Variants in STMN4 observed in about 807,000 individuals in gnomAD.
STMN4 encodes the protein stathmin 4, also known as stathmin-4.
A neutral mutation model predicts 29.1 loss-of-function variants in STMN4; 12 were observed. The observed-to-expected ratio is 0.41, with a 90% CI of 0.26 to 0.67. The LOEUF (loss-of-function observed/expected upper bound fraction) is 0.67. Ranked by LOEUF, STMN4 falls within the 30% of genes least tolerant of loss-of-function variation. The pLI is 0.30. For synonymous variants in STMN4, 114 were observed against 105.3 expected, an observed-to-expected ratio of 1.08 and a Z score of -0.51; for missense variants, 181 against 262.8, an observed-to-expected ratio of 0.69 and a Z score of 2.15.
intron 2 of STMN4, 115 bp from the exon 3 acceptor site, chr8:27,242,607 G>A (rs375406644): frequency 4.3e-6 from 4 of 923,174 alleles, no homozygotes; most frequent in Non-Finnish European, 6.8e-6. Flanking sequence ...CTCAAACCAC[G>A]CAGGCACACG....
At chr8:27,249,869 C>A (rs1466516806) in intron 1 of STMN4, among the ~76,000 whole-genome samples, 1 of 152,194 alleles carries the variant, frequency 6.6e-6, no homozygotes, top group East Asian at 1.9e-4. Flanking sequence ...TTTTATTGGT[C>A]ACTGTAAGAA....
At chr8:27,249,099 C>T (rs960541551) in intron 1 of STMN4, among the ~76,000 whole-genome samples, 1 of 152,136 alleles carries the variant, frequency 6.6e-6, no homozygotes, top group Non-Finnish European at 1.5e-5. Context: ...GATAACCCCC[C>T]CCAAGCACAG....
chr8:27,242,323 C>A, intron 3 of STMN4, 74 bp downstream of exon 3: 2 of 1,397,468 alleles, frequency 1.4e-6, no homozygotes, highest in South Asian at 1.2e-5. Flanking sequence ...GGACTGGGGT[C>A]GGGGTGCAGG....
chr8:27,243,879 G>A, intron 1 of STMN4, 78 bp from the exon 2 acceptor site: 2 of 1,323,130 alleles, frequency 1.5e-6, no homozygotes, highest in African/African-American at 1.4e-5. Flanking sequence ...TTTATACACT[G>A]GGGAGGGAAT....
chr8:27,256,302 C>A (rs1469293781), intron 1 of STMN4, among the ~76,000 whole-genome samples: 1 of 151,852 alleles, frequency 6.6e-6, no homozygotes, highest in East Asian at 1.9e-4. Context: ...CAATGTAAAT[C>A]TTAATACTAC....
At chr8:27,239,094 G>T in intron 6 of STMN4, 1 of 1,096,610 alleles carries the variant, frequency 9.1e-7, no homozygotes, top group Non-Finnish European at 1.3e-6. Flanking sequence ...GGGCTGCCTC[G>T]TGCTGGCCAG....
chr8:27,257,459 AACACACACACACACACACACAC>A (rs59516183), intron 1 of STMN4, among the ~76,000 whole-genome samples: 3 of 137,722 alleles, frequency 2.2e-5, no homozygotes, highest in African/African-American at 5.3e-5. Flanking sequence ...CCCCCATACA[AACACACACACACACACACACAC>A]ACACACACAC....
At chr8:27,250,757 C>G (rs1425549877) in intron 1 of STMN4, among the ~76,000 whole-genome samples, 1 of 152,118 alleles carries the variant, frequency 6.6e-6, no homozygotes, top group Non-Finnish European at 1.5e-5. Context: ...AGAGGGTACC[C>G]AACAGGCTTA....
intron 1 of STMN4, among the ~76,000 whole-genome samples, chr8:27,254,346 C>T (rs540095882): frequency 1.8e-4 from 28 of 152,316 alleles, no homozygotes; most frequent in African/African-American, 6.0e-4. Flanking sequence ...CCTAGATCTG[C>T]GCTCAGCTCC....
At chr8:27,244,173 C>T (rs572336158) in intron 1 of STMN4, among the ~76,000 whole-genome samples, 2 of 152,300 alleles carry the variant, frequency 1.3e-5, no homozygotes, top group East Asian at 3.9e-4. Flanking sequence ...CCTGCAGAAT[C>T]AGCTGGGAGG....
intron 1 of STMN4, among the ~76,000 whole-genome samples, chr8:27,244,730 A>C (rs1025244398): frequency 6.6e-6 from 1 of 152,084 alleles, no homozygotes; most frequent in Non-Finnish European, 1.5e-5. Context: ...TTGACGCTAG[A>C]TCAGAAAGTG....
intron 2 of STMN4, among the ~76,000 whole-genome samples, 160 bp from the exon 3 acceptor site, chr8:27,242,652 C>T (rs1034668378): frequency 6.6e-6 from 1 of 152,166 alleles, no homozygotes; most frequent in Non-Finnish European, 1.5e-5. Context: ...CGCCCTGAGC[C>T]GTGCTGTTCA....
chr8:27,243,686 C>T, intron 2 of STMN4, 25 bp downstream of exon 2: 1 of 1,612,016 alleles, frequency 6.2e-7, no homozygotes, highest in Non-Finnish European at 8.5e-7. Context: ...GCCTACGCCC[C>T]TTAACACATG....
intron 1 of STMN4, among the ~76,000 whole-genome samples, chr8:27,256,604 C>T (rs79660142): frequency 6.7e-6 from 1 of 149,006 alleles, no homozygotes; most frequent in East Asian, 1.9e-4. Flanking sequence ...CATTTGTACA[C>T]ACAAATATAC....
chr8:27,251,651 T>G (rs1801789026), intron 1 of STMN4, among the ~76,000 whole-genome samples: 1 of 152,098 alleles, frequency 6.6e-6, no homozygotes, highest in Admixed American at 6.5e-5. Flanking sequence ...AAAAAGAAAA[T>G]AAATCCTTGT....
intron 2 of STMN4, 120 bp downstream of exon 2, chr8:27,243,591 C>T (rs1801538873): frequency 2.8e-6 from 3 of 1,054,536 alleles, no homozygotes; most frequent in Admixed American, 1.8e-5. Flanking sequence ...ACTACCTGCA[C>T]CCCCCCACAC....
At chr8:27,246,304 T>C (rs1354993480) in intron 1 of STMN4, among the ~76,000 whole-genome samples, 2 of 152,166 alleles carry the variant, frequency 1.3e-5, no homozygotes, top group East Asian at 1.9e-4. Context: ...TGCATGGTCA[T>C]GATCAAGGGA....
intron 1 of STMN4, among the ~76,000 whole-genome samples, chr8:27,252,436 A>G (rs1801817111): frequency 6.6e-6 from 1 of 152,206 alleles, no homozygotes; most frequent in South Asian, 2.1e-4. Flanking sequence ...TTTACAAGAA[A>G]AAAACAAACA....
intron 1 of STMN4, among the ~76,000 whole-genome samples, chr8:27,253,672 T>G (rs1020414734): frequency 6.6e-6 from 1 of 152,208 alleles, no homozygotes; most frequent in Non-Finnish European, 1.5e-5. Flanking sequence ...TTCTGGTGTT[T>G]TCTTTACTTG....
Sources: gnomAD v4.1 joint callset for allele counts (sites outside exome capture counted in the v4.1 genomes callset) on GRCh38, gnomAD v4.1.1 for gene constraint, MANE v1.5 for transcripts, NCBI Gene and HGNC (gene_info 2026-07-23, HGNC 2026-07-21) for gene names.